The following WWP2 variants were observed in gnomAD, a reference collection of about 807,000 sequenced individuals.
WWP2 encodes the protein NEDD4-like E3 ubiquitin-protein ligase WWP2.
Under a neutral mutation model 121.0 loss-of-function variants are expected in WWP2, and 57 were observed. That is an observed-to-expected ratio of 0.47 (90% CI 0.38 to 0.59). WWP2 has a LOEUF of 0.59. Among genes scored for constraint, WWP2 ranks in the 20% least tolerant of loss-of-function variants. WWP2 has a pLI of 0.00. For synonymous variants in WWP2, 449 were observed against 441.3 expected, an observed-to-expected ratio of 1.02 and a Z score of -0.22; for missense variants, 962 against 1,158.9, an observed-to-expected ratio of 0.83 and a Z score of 2.47.
chr16:69,938,311 AC>A (rs1348216009), intron 21 of WWP2, among the ~76,000 whole-genome samples: 4 of 152,136 alleles, frequency 2.6e-5, no homozygotes, highest in Non-Finnish European at 4.4e-5. Context: ...ACTGTGCCCA[AC>A]CCATTTAAGT....
rs965273865 is a variant in WWP2, at chr16:69,930,241, C to T, written c.1428C>T (p.Arg476=). 3.6e-5 allele frequency: 58 copies of T among 1,613,860 alleles called. No individual in the cohort carries two copies. The highest frequency in any genetic ancestry group is 4.9e-5 in the Non-Finnish European group (58 of 1,179,888). ...GCACCACCACCTTTAAGGATCCTCG[C>T]CCGGGGTTTGAGTCGGGGTAAGGAC... is the stretch of plus-strand genomic sequence containing the variant. ...NTRTTTFKDP[R]PGFESGTKQG... The change falls in exon 13 of 24, where the codon CGC becomes CGT. Residue 476 remains arginine, a synonymous_variant. Transcript: ENST00000359154.
intron 8 of WWP2, among the ~76,000 whole-genome samples, chr16:69,897,845 T>G (rs2151948551): frequency 1.3e-5 from 2 of 149,384 alleles, no homozygotes; most frequent in South Asian, 4.4e-4. Context: ...GAGGCGGAGG[T>G]TACAGTGAGC....
chr16:69,933,290 T>C (rs899280458), intron 16 of WWP2: 26 of 367,062 alleles, frequency 7.1e-5, no homozygotes, highest in Admixed American at 4.5e-4. Context: ...AAAAGGACTC[T>C]GAATTCATGC....
At chr16:69,838,763 C>T (rs868207634) in intron 4 of WWP2, 1 of 985,454 alleles carries the variant, frequency 1.0e-6, no homozygotes, top group Middle Eastern at 5.2e-4. Context: ...TAGTACTCAC[C>T]AAGGCCCTCA....
At chr16:69,910,309 G>T (rs1210790252) in intron 9 of WWP2, 1 of 933,824 alleles carries the variant, frequency 1.1e-6, no homozygotes, top group Non-Finnish European at 1.3e-6. Context: ...TTCTATAATT[G>T]TGTCACAAAT....
At chr16:69,885,951 C>T (rs1273046393) in intron 7 of WWP2, among the ~76,000 whole-genome samples, 1 of 152,148 alleles carries the variant, frequency 6.6e-6, no homozygotes, top group Non-Finnish European at 1.5e-5. Flanking sequence ...ATATGATTAG[C>T]TAGAAGAGGC....
chr16:69,940,469 G>C lies in WWP2; in HGVS notation c.*529G>C, dbSNP rs2058865873. 1 of 154,100 alleles carries C rather than the reference G, an allele frequency of 6.5e-6. No individual in the cohort carries two copies. Among genetic ancestry groups the C allele is most frequent in the African/African-American group, 2.4e-5 (1 of 41,496 alleles). 9.5% of individuals were successfully genotyped at this position (154,100 alleles called of 1,614,324 possible). A position where few individuals can be genotyped will look rare whatever the true frequency, so the allele number is the denominator to read the frequency against. Reference sequence around the variant, plus strand: ...CGGGCCCTGGGGCGAGGCCATCTCTGCCTGCCTCCCTAGCAGGCGCCAGCG... The same window carrying C: ...CGGGCCCTGGGGCGAGGCCATCTCTCCCTGCCTCCCTAGCAGGCGCCAGCG... On this transcript the variant is annotated 3_prime_UTR_variant, in exon 24 of 24. Coordinates refer to ENST00000359154, the MANE Select transcript of WWP2 (RefSeq NM_001270454.2).
intron 6 of WWP2, among the ~76,000 whole-genome samples, chr16:69,846,070 A>AAAAAAAAAAAAAAAAAAAAAAAG (rs58504050): frequency 6.7e-6 from 1 of 149,652 alleles, no homozygotes; most frequent in African/African-American, 2.5e-5. Flanking sequence ...AAAAAAAAAA[A>AAAAAAAAAAAAAAAAAAAAAAAG]GAATACTTAT....
chr16:69,800,386 A>T (rs1008956891), intron 4 of WWP2, among the ~76,000 whole-genome samples: 3 of 152,156 alleles, frequency 2.0e-5, no homozygotes, highest in Non-Finnish European at 4.4e-5. Flanking sequence ...TTGGAAATAT[A>T]CTTGTGGATA....
At chr16:69,931,477 G>A (rs551668579) in intron 14 of WWP2, 32 bp from the exon 15 acceptor site, 18 of 1,612,488 alleles carry the variant, frequency 1.1e-5, no homozygotes, top group African/African-American at 4.0e-5. Flanking sequence ...CTTGAGGCTC[G>A]ATTTAAAGTT....
Position 69,893,502 on chromosome 16 carries a change from G to C in WWP2, c.914+5253G>C, listed in dbSNP as rs371353162. On this transcript the variant is annotated intron_variant, in intron 8 of 23. Transcript: ENST00000359154. ...TTGAGCCTAATGCTGTCATTCACTG[G>C]CTTGACTGGCTTTGGGTTCAAATAT... 1.1e-4 allele frequency among the ~76,000 whole-genome samples: 17 copies of C among 152,244 alleles called. 2 individuals carry two copies. Among genetic ancestry groups the C allele is most frequent in the East Asian group, 3.9e-4 (2 of 5,186 alleles).
intron 4 of WWP2, among the ~76,000 whole-genome samples, chr16:69,813,411 C>T (rs1375773595): frequency 6.6e-6 from 1 of 152,184 alleles, no homozygotes; most frequent in Non-Finnish European, 1.5e-5. Flanking sequence ...TTCCACCTGC[C>T]TCGGCCTCCC....
At chr16:69,860,618 G>A (rs1463585101) in intron 6 of WWP2, among the ~76,000 whole-genome samples, 3 of 152,198 alleles carry the variant, frequency 2.0e-5, no homozygotes, top group Non-Finnish European at 4.4e-5. Context: ...GGGGTCTAGA[G>A]AGGTATTTTG....
intron 2 of WWP2, among the ~76,000 whole-genome samples, chr16:69,790,055 C>A (rs1196032895): frequency 2.0e-5 from 3 of 152,088 alleles, no homozygotes; most frequent in Non-Finnish European, 4.4e-5. Flanking sequence ...CCAGCCTGGC[C>A]AATGTGGTAA....
In WWP2 at chr16:69,908,935, G is replaced by A. The variant is rs776816621; in HGVS notation, c.1004+85G>A. On this transcript the variant is annotated intron_variant, in intron 9 of 23. Transcript: ENST00000359154. ...GCTTCTTGAAACGGTCCCTTTCTGC[G>A]GAGGTAGCATAGCACAGTGACGTTT... The A allele has an allele frequency of 1.0e-4, 166 of 1,602,698 alleles. No individual in the cohort carries two copies. In the Middle Eastern group the frequency reaches 2.5e-3, roughly 24 times the overall value.
intron 4 of WWP2, among the ~76,000 whole-genome samples, chr16:69,801,646 C>T (rs1442514718): frequency 6.6e-6 from 1 of 152,104 alleles, no homozygotes; most frequent in African/African-American, 2.4e-5. Flanking sequence ...CTCCCAGCCT[C>T]AAGCCATCTC....
In WWP2 at chr16:69,913,325, G is replaced by A. The variant is rs1007414591; in HGVS notation, c.1005-4384G>A. On this transcript the variant is annotated intron_variant, in intron 9 of 23. Coordinates refer to ENST00000359154, the MANE Select transcript of WWP2 (RefSeq NM_001270454.2). ...TGGGATTACAGGCGTGAGCCACCAC[G>A]CCCAGCCAAAAAAAAGTTTTTTTTA... Among the ~76,000 whole-genome samples the A allele has an allele frequency of 5.8e-4, 88 of 151,580 alleles. 2 individuals carry two copies. Among genetic ancestry groups the A allele is most frequent in the African/African-American group, 1.9e-3 (80 of 41,378 alleles).
At position 69,906,739 on chromosome 16, in the gene WWP2, G is replaced by A. The variant is rs200393839; in HGVS notation, c.915-2022G>A. On this transcript the variant is annotated intron_variant, in intron 8 of 23. Coordinates refer to ENST00000359154, the MANE Select transcript of WWP2 (RefSeq NM_001270454.2). ...TCTACGAAATAAAAAGATTAGCTGGGCCTCGTGGCATGCACTTGTTTTCCT... is the reference window on the plus strand; with the variant it reads ...TCTACGAAATAAAAAGATTAGCTGGACCTCGTGGCATGCACTTGTTTTCCT... 7.2e-5 allele frequency among the ~76,000 whole-genome samples: 11 copies of A among 152,254 alleles called. No individual in the cohort carries two copies. The East Asian group carries it at 2.1e-3, about 29-fold the overall frequency.
intron 6 of WWP2, among the ~76,000 whole-genome samples, chr16:69,862,493 C>G (rs983543290): frequency 6.6e-6 from 1 of 152,048 alleles, no homozygotes; most frequent in Non-Finnish European, 1.5e-5. Context: ...TCAGGCAATC[C>G]AACCACCTCG....
Sources: allele counts gnomAD v4.1 joint callset (sites outside exome capture counted in the v4.1 genomes callset), GRCh38; gene constraint gnomAD v4.1.1; transcripts MANE v1.5; gene names NCBI Gene and HGNC (gene_info 2026-07-23, HGNC 2026-07-21).